WDFY4: variants seen among roughly 807,000 people sequenced by gnomAD.
The protein encoded by WDFY4 is WDFY family member 4.
Under a neutral mutation model 351.9 loss-of-function variants are expected in WDFY4, and 169 were observed. The observed-to-expected ratio is 0.48, with a 90% CI of 0.42 to 0.55. WDFY4 has a LOEUF of 0.55. Among genes scored for constraint, WDFY4 ranks in the 20% least tolerant of loss-of-function variants. The pLI is 0.00. For missense variants in WDFY4, 3,803 were observed against 3,935.6 expected (o/e 0.97, Z 0.90); for synonymous variants, 1,622 against 1,574.6 (o/e 1.03, Z -0.71).
intron 1 of WDFY4, among the ~76,000 whole-genome samples, chr10:48,692,577 A>G (rs1005214433): frequency 6.6e-6 from 1 of 152,238 alleles, no homozygotes; most frequent in African/African-American, 2.4e-5. Flanking sequence ...AGGAAATACA[A>G]GAGTGAGAAA....
At chr10:48,916,917 A>T (rs1014853271) in intron 47 of WDFY4, among the ~76,000 whole-genome samples, 1 of 150,814 alleles carries the variant, frequency 6.6e-6, no homozygotes, top group Non-Finnish European at 1.5e-5. Flanking sequence ...GTGTACAACC[A>T]TGTGCTGCAT....
At chr10:48,730,033 A>G (rs2064405382) in intron 8 of WDFY4, among the ~76,000 whole-genome samples, 1 of 152,204 alleles carries the variant, frequency 6.6e-6, no homozygotes. Context: ...TCTGCTCCCT[A>G]AAATTCCTCT....
intron 13 of WDFY4, among the ~76,000 whole-genome samples, chr10:48,772,755 T>A (rs2065910135): frequency 6.7e-6 from 1 of 148,542 alleles, no homozygotes; most frequent in South Asian, 2.1e-4. Flanking sequence ...GTCCATGTGA[T>A]CTCATTGTTC....
intron 47 of WDFY4, among the ~76,000 whole-genome samples, chr10:48,926,844 G>A (rs1320027960): frequency 6.6e-6 from 1 of 152,226 alleles, no homozygotes; most frequent in African/African-American, 2.4e-5. Context: ...TCATAGGCAT[G>A]TGTCCCCAAG....
intron 52 of WDFY4, among the ~76,000 whole-genome samples, 173 bp downstream of exon 52, chr10:48,957,455 G>C (rs1468926574): frequency 1.3e-5 from 2 of 152,206 alleles, no homozygotes; most frequent in Non-Finnish European, 2.9e-5. Flanking sequence ...GGTTGCTGAG[G>C]AAGGGCGCTG....
intron 24 of WDFY4, chr10:48,802,777 C>A (rs200757429): frequency 2.1e-5 from 10 of 471,638 alleles, no homozygotes; most frequent in Non-Finnish European, 4.0e-5. Flanking sequence ...GTGTTGCCTG[C>A]GCAAATTGGG....
At chr10:48,814,759 A>G (rs941672536) in intron 31 of WDFY4, among the ~76,000 whole-genome samples, 5 of 152,228 alleles carry the variant, frequency 3.3e-5, no homozygotes, top group Non-Finnish European at 7.3e-5. Context: ...ACATTTAAAC[A>G]AAAGGGAAAA....
intron 11 of WDFY4, among the ~76,000 whole-genome samples, chr10:48,736,519 T>C (rs1229410227): frequency 6.6e-6 from 1 of 152,252 alleles, no homozygotes; most frequent in Non-Finnish European, 1.5e-5. Context: ...CCCACAACAC[T>C]GTAAACTATG....
intron 12 of WDFY4, among the ~76,000 whole-genome samples, chr10:48,746,513 T>G (rs946208257): frequency 6.6e-6 from 1 of 152,196 alleles, no homozygotes; most frequent in Non-Finnish European, 1.5e-5. Context: ...TTTTTCAATC[T>G]AGTGTGGTAT....
intron 32 of WDFY4, among the ~76,000 whole-genome samples, 184 bp from the exon 33 acceptor site, chr10:48,820,050 C>G (rs2067762555): frequency 1.3e-5 from 2 of 152,326 alleles, no homozygotes; most frequent in Admixed American, 6.5e-5. Context: ...CTCATATTCT[C>G]AAACAGTAGC....
intron 32 of WDFY4, among the ~76,000 whole-genome samples, chr10:48,819,290 T>C (rs890450814): frequency 3.9e-5 from 6 of 152,224 alleles, no homozygotes; most frequent in Non-Finnish European, 8.8e-5. Context: ...CTTTGTTGTA[T>C]AGAAAACATG....
At chr10:48,898,513 A>T (rs1249617401) in intron 45 of WDFY4, among the ~76,000 whole-genome samples, 1 of 152,162 alleles carries the variant, frequency 6.6e-6, no homozygotes, top group Non-Finnish European at 1.5e-5. Flanking sequence ...GACATTTTTC[A>T]TTTGTAAATC....
At chr10:48,817,172 C>G (rs1212679984) in intron 31 of WDFY4, 73 bp from the exon 32 acceptor site, 2 of 1,502,658 alleles carry the variant, frequency 1.3e-6, no homozygotes, top group African/African-American at 2.8e-5. Context: ...TCTCCCTAGA[C>G]CTCAGCTCCT....
intron 47 of WDFY4, among the ~76,000 whole-genome samples, chr10:48,925,880 T>C (rs899254040): frequency 4.6e-5 from 7 of 152,282 alleles, no homozygotes; most frequent in African/African-American, 1.7e-4. Flanking sequence ...GGGCCCTTCA[T>C]GTATGTCTAA....
chr10:48,844,221 T>A (rs2068702409), intron 39 of WDFY4, among the ~76,000 whole-genome samples: 1 of 152,160 alleles, frequency 6.6e-6, no homozygotes, highest in Admixed American at 6.5e-5. Context: ...GGGGTTGATG[T>A]AAACTTGGCT....
intron 60 of WDFY4, among the ~76,000 whole-genome samples, chr10:48,979,123 C>A (rs1278514062): frequency 6.6e-6 from 1 of 152,186 alleles, no homozygotes; most frequent in African/African-American, 2.4e-5. Context: ...ACCTGGGGAC[C>A]CTTGTAAACA....
chr10:48,822,337 G>A (rs2067852364), intron 34 of WDFY4, 43 bp from the exon 35 acceptor site: 1 of 1,486,458 alleles, frequency 6.7e-7, no homozygotes. Context: ...ATGGACAGAA[G>A]TCCATTTAGA....
intron 5 of WDFY4, among the ~76,000 whole-genome samples, chr10:48,725,171 A>T (rs7920930): frequency 0.74 from 112,134 of 152,168 alleles, 41,567 homozygotes; most frequent in East Asian, 0.85. Context: ...TGGTCCATGA[A>T]GCCCAGCTTC....
chr10:48,772,543 C>T (rs1022318343), intron 13 of WDFY4, among the ~76,000 whole-genome samples: 570 of 82,348 alleles, frequency 6.9e-3, no homozygotes, highest in Middle Eastern at 0.011. Context: ...TTTGCATTTT[C>T]TTTTTTTTTT....
Sources: gnomAD v4.1 joint callset for allele counts (sites outside exome capture counted in the v4.1 genomes callset) on GRCh38, gnomAD v4.1.1 for gene constraint, MANE v1.5 for transcripts, NCBI Gene and HGNC (gene_info 2026-07-23, HGNC 2026-07-21) for gene names.